FLI1: variants seen among roughly 807,000 people sequenced by gnomAD.
FLI1 encodes the protein Fli-1 proto-oncogene, ETS transcription factor.
In FLI1, 13 loss-of-function variants were observed where a neutral mutation model predicts 53.1. That is an observed-to-expected ratio of 0.24 (90% confidence interval 0.16 to 0.39). FLI1 has a LOEUF of 0.39. Ranked by LOEUF, FLI1 falls within the 10% of genes least tolerant of loss-of-function variation. The probability of loss-of-function intolerance (pLI) is 1.00; values close to 1 mark genes in which losing one functional copy is unlikely to be tolerated. For synonymous variants in FLI1, 244 were observed against 236.7 expected (o/e 1.03, Z -0.28); for missense variants, 424 against 600.5 (o/e 0.71, Z 3.07).
At chr11:128,689,803 C>G (rs530542721), upstream of FLI1, among the ~76,000 whole-genome samples, 3 of 152,224 alleles carry the variant, frequency 2.0e-5, no homozygotes, top group Non-Finnish European at 2.9e-5. Context: ...GGGGTTTCCT[C>G]AGCGACGCCG....
chr11:128,782,943 GA>G (rs1364410955), intron 5 of FLI1, among the ~76,000 whole-genome samples: 2 of 152,170 alleles, frequency 1.3e-5, no homozygotes, highest in Non-Finnish European at 2.9e-5. Flanking sequence ...TTTAAAGGAG[GA>G]AAAGATGTGA....
intron 5 of FLI1, among the ~76,000 whole-genome samples, chr11:128,787,244 G>C (rs73017324): frequency 6.6e-6 from 1 of 152,090 alleles, no homozygotes; most frequent in Non-Finnish European, 1.5e-5. Flanking sequence ...CCATTATCCC[G>C]TTTGTGCCCT....
At chr11:128,737,701 A>G (rs78128873) in intron 1 of FLI1, among the ~76,000 whole-genome samples, 9,118 of 152,268 alleles carry the variant, frequency 0.06, 894 homozygotes, top group African/African-American at 0.21. Flanking sequence ...TTATTGAGGT[A>G]CCTAAGATAG....
rs183657014 is a variant in FLI1 at position 128,763,375 on chromosome 11, G to A, written c.231-4743G>A. The stretch of plus-strand genomic sequence containing the variant: ...TTGCCTTGAAACAGCATGGCCCATA[G>A]GTTCTGTGTCGCATGTAGACTTCAG... On this transcript the variant is annotated intron_variant, in intron 2 of 8. Coordinates refer to ENST00000527786, the MANE Select transcript of FLI1 (RefSeq NM_002017.5). Among the ~76,000 whole-genome samples the A allele has an allele frequency of 2.0e-5, 3 of 152,338 alleles. No homozygotes were observed. In the East Asian group the frequency reaches 5.8e-4, roughly 29 times the overall value.
At chr11:128,753,980 C>G (rs1940756390) in intron 1 of FLI1, among the ~76,000 whole-genome samples, 1 of 152,232 alleles carries the variant, frequency 6.6e-6, no homozygotes, top group African/African-American at 2.4e-5. Flanking sequence ...TCCTCCCCAA[C>G]TCTGCTCTTT....
At chr11:128,691,223 G>A (rs982694203), upstream of FLI1, among the ~76,000 whole-genome samples, 4 of 152,188 alleles carry the variant, frequency 2.6e-5, no homozygotes, top group East Asian at 7.7e-4. Flanking sequence ...GATGTCTGGT[G>A]GTAACCACAT....
intron 5 of FLI1, chr11:128,803,743 T>G (rs1474983283): frequency 6.6e-6 from 1 of 152,244 alleles, no homozygotes; most frequent in Non-Finnish European, 1.5e-5. Context: ...AGCAGCAGCC[T>G]CCTCCTGCTC....
At chr11:128,695,264 G>A (rs750139050) in intron 1 of FLI1, among the ~76,000 whole-genome samples, 8 of 152,386 alleles carry the variant, frequency 5.2e-5, no homozygotes, top group African/African-American at 1.7e-4. Flanking sequence ...TGCTGTCTCT[G>A]AAAGGGTTCG....
intron 3 of FLI1, 114 bp from the exon 4 acceptor site, chr11:128,772,668 C>T (rs1941605358): frequency 1.2e-6 from 1 of 838,134 alleles, no homozygotes; most frequent in Admixed American, 1.9e-5. Context: ...GGAGCTCTCC[C>T]AGAGAGAAAG....
At chr11:128,797,111 A>G (rs2135898170) in intron 5 of FLI1, among the ~76,000 whole-genome samples, 1 of 152,392 alleles carries the variant, frequency 6.6e-6, no homozygotes. Context: ...AAGGCAAATC[A>G]TGGGAATTGT....
rs368273183 is a variant in FLI1, at chr11:128,714,770, G to A, written c.18+20494G>A. The stretch of plus-strand genomic sequence containing the variant: ...TGTCACCAGGCTGGAGTGCAGTGGT[G>A]TAATCTCAGCTCACAGCAACCTCCG... On this transcript the variant is annotated intron_variant, in intron 1 of 8. Transcript: ENST00000527786. 8.4e-5 allele frequency among the ~76,000 whole-genome samples: 12 copies of A among 142,142 alleles called. No individual in the cohort carries two copies. In the East Asian group the frequency reaches 2.5e-3, roughly 30 times the overall value. The allele number at this position is 142,142 out of a possible 152,430, so 93.3% of individuals were successfully genotyped here.
rs753259644 is a variant in FLI1 at position 128,810,670 on chromosome 11, T to C, written c.1041T>C (p.Ile347=). The change falls in exon 9 of 9, where the codon ATT becomes ATC. Residue 347 remains isoleucine (I), a synonymous_variant. Transcript: ENST00000527786. This position sits in a 1 kb window ranked among gnomAD's most constrained non-coding sequence, Gnocchi z 6.6. ...TCCGTTATTACTATGATAAAAACAT[T>C]ATGACCAAAGTGCACGGCAAAAGAT... ...RALRYYYDKN[I]MTKVHGKRYA... is the part of the protein sequence containing the mutation. The C allele has an allele frequency of 1.2e-6, 2 of 1,614,058 alleles. No individual in the cohort carries two copies. The highest frequency in any genetic ancestry group is 2.2e-5 in the South Asian group (2 of 91,082).
intron 3 of FLI1, among the ~76,000 whole-genome samples, chr11:128,772,559 G>A (rs1166122306): frequency 1.3e-5 from 2 of 152,202 alleles, no homozygotes; most frequent in Non-Finnish European, 2.9e-5. Flanking sequence ...GTCAGGATAC[G>A]TAGTGAGGCA....
chr11:128,803,649 G>A (rs1336386152), intron 5 of FLI1, among the ~76,000 whole-genome samples: 1 of 152,180 alleles, frequency 6.6e-6, no homozygotes, highest in East Asian at 1.9e-4. Flanking sequence ...CGAGGAACTT[G>A]TTTCCTATTA....
chr11:128,795,599 G>A (rs1234201983), intron 5 of FLI1, among the ~76,000 whole-genome samples: 3 of 132,582 alleles, frequency 2.3e-5, no homozygotes, highest in Non-Finnish European at 3.1e-5. Flanking sequence ...TTGCCCTCTC[G>A]CCCAGGCTGG....
At chr11:128,703,304 G>C (rs1327121846) in intron 1 of FLI1, among the ~76,000 whole-genome samples, 1 of 152,104 alleles carries the variant, frequency 6.6e-6, no homozygotes, top group Non-Finnish European at 1.5e-5. Context: ...ACACAAATTT[G>C]ATAATGCCAA....
chr11:128,779,182 T>A (rs1941835013), intron 4 of FLI1, among the ~76,000 whole-genome samples: 1 of 152,262 alleles, frequency 6.6e-6, no homozygotes, highest in African/African-American at 2.4e-5. Flanking sequence ...TGGGGAAATT[T>A]AATAAATGTG....
At chr11:128,762,198 C>T (rs905093654) in intron 2 of FLI1, among the ~76,000 whole-genome samples, 1 of 152,212 alleles carries the variant, frequency 6.6e-6, no homozygotes, top group African/African-American at 2.4e-5. Flanking sequence ...GAACACTGTG[C>T]TTCTCCTATC....
intron 1 of FLI1, among the ~76,000 whole-genome samples, chr11:128,757,094 T>TTCTTTCTTTC (rs1424662990): frequency 7.4e-6 from 1 of 135,104 alleles, no homozygotes; most frequent in Non-Finnish European, 1.6e-5. Flanking sequence ...CTTTCTTTCT[T>TTCTTTCTTTC]TCTTTCTTTC....
Sources: gnomAD v4.1 joint callset for allele counts (sites outside exome capture counted in the v4.1 genomes callset) on GRCh38, gnomAD v4.1.1 for gene constraint, Gnocchi (gnomAD v3.1) non-coding constraint, MANE v1.5 for transcripts, NCBI Gene and HGNC (gene_info 2026-07-23, HGNC 2026-07-21) for gene names.